LASP1: variants seen among roughly 807,000 people sequenced by gnomAD.
The protein encoded by LASP1 is LIM and SH3 domain protein 1.
In LASP1, 10 loss-of-function variants were observed where a neutral mutation model predicts 38.6. The observed-to-expected ratio is 0.26, with a 90% CI of 0.16 to 0.44. The LOEUF is 0.44. Among genes scored for constraint, LASP1 ranks in the 20% least tolerant of loss-of-function variants. The probability of loss-of-function intolerance (pLI) is 1.00; values close to 1 mark genes in which losing one functional copy is unlikely to be tolerated. For missense variants in LASP1, 243 were observed against 375.7 expected (o/e 0.65, Z 2.92); for synonymous variants, 132 against 140.8 (o/e 0.94, Z 0.44).
At chr17:38,889,276 G>T (rs545015326) in intron 2 of LASP1, among the ~76,000 whole-genome samples, 31 of 152,116 alleles carry the variant, frequency 2.0e-4, no homozygotes, top group Non-Finnish European at 4.4e-4. Context: ...GACTATAGGC[G>T]CACGCCATCA....
intron 2 of LASP1, among the ~76,000 whole-genome samples, chr17:38,878,904 G>A (rs1160187279): frequency 6.6e-6 from 1 of 152,190 alleles, no homozygotes; most frequent in Middle Eastern, 3.4e-3. Flanking sequence ...AGCAGCTGAC[G>A]GTAGGGAGGG....
At chr17:38,895,915 G>A (rs1012006581) in intron 3 of LASP1, among the ~76,000 whole-genome samples, 3 of 152,168 alleles carry the variant, frequency 2.0e-5, no homozygotes, top group Non-Finnish European at 4.4e-5. Context: ...GGGAGCCCAG[G>A]TATCTCCCAG....
intron 4 of LASP1, among the ~76,000 whole-genome samples, chr17:38,909,858 A>T (rs1914883638): frequency 6.6e-6 from 1 of 152,034 alleles, no homozygotes; most frequent in East Asian, 1.9e-4. Flanking sequence ...AGTGATTCTC[A>T]TGACTCGGCT....
At position 38,898,787 on chromosome 17, in the gene LASP1, A is replaced by T. The variant is rs555272469; in HGVS notation, c.357+268A>T. 1.8e-4 allele frequency: 97 copies of T among 539,016 alleles called. No homozygotes were observed. In the Middle Eastern group the frequency reaches 3.1e-3, roughly 17 times the overall value. 33.4% of individuals were successfully genotyped at this position (539,016 alleles called of 1,614,324 possible). A position where few individuals can be genotyped will look rare whatever the true frequency, so the allele number is the denominator to read the frequency against. On this transcript the variant is annotated intron_variant, in intron 4 of 6. Transcript: ENST00000318008. The stretch of plus-strand genomic sequence containing the variant: ...GCTAAATCAGCCCCCACTCTCTCTG[A>T]CTGTTGTTCTTTTTTCTGGATATCG...
At position 38,914,540 on chromosome 17, in the gene LASP1, G is replaced by A. The variant is rs1598122503; in HGVS notation, c.508+65G>A. ...GGCCAGTGGGGTGGGGAGGAAGCCA[G>A]GAGAAGACAGACAGACAGATACACC... On this transcript the variant is annotated intron_variant, in intron 5 of 6. Coordinates refer to ENST00000318008, the MANE Select transcript of LASP1 (RefSeq NM_006148.4). 4.6e-6 allele frequency: 7 copies of A among 1,519,004 alleles called. No individual in the cohort carries two copies. The East Asian group carries it at 1.6e-4, about 35-fold the overall frequency. The allele number at this position is 1,519,004 out of a possible 1,614,324, so 94.1% of individuals were successfully genotyped here.
At chr17:38,889,426 G>A (rs1293035557) in intron 2 of LASP1, among the ~76,000 whole-genome samples, 2 of 152,098 alleles carry the variant, frequency 1.3e-5, no homozygotes, top group South Asian at 2.1e-4. Flanking sequence ...CACTGCGCCC[G>A]GCCTAATTCA....
At chr17:38,874,079 G>C (rs1240662515) in intron 1 of LASP1, 1 of 152,362 alleles carries the variant, frequency 6.6e-6, no homozygotes, top group Admixed American at 6.5e-5. Flanking sequence ...TGGAGCCTCG[G>C]ATCCAGGCTG....
At chr17:38,871,919 C>T (rs1453646794) in intron 1 of LASP1, among the ~76,000 whole-genome samples, 1 of 152,120 alleles carries the variant, frequency 6.6e-6, no homozygotes, top group Non-Finnish European at 1.5e-5. Context: ...ATGTACCTGT[C>T]CTTGCACACT....
Position 38,920,072 on chromosome 17 carries a change from C to G in LASP1, c.*1294C>G, listed in dbSNP as rs1319192295. 5.6e-6 allele frequency: 3 copies of G among 536,882 alleles called. No individual in the cohort carries two copies. Among genetic ancestry groups the G allele is most frequent in the South Asian group, 3.1e-5 (2 of 65,256 alleles). 33.3% of individuals were successfully genotyped at this position (536,882 alleles called of 1,614,324 possible). A position where few individuals can be genotyped will look rare whatever the true frequency, so the allele number is the denominator to read the frequency against. ...ATGAAATTCCTCCTTCCCCCCATCTCTGAGTGGAGGAAGCCCACCAATCTG... is the reference window on the plus strand; with the variant it reads ...ATGAAATTCCTCCTTCCCCCCATCTGTGAGTGGAGGAAGCCCACCAATCTG... On this transcript the variant is annotated 3_prime_UTR_variant, in exon 7 of 7. Coordinates refer to ENST00000318008, the MANE Select transcript of LASP1 (RefSeq NM_006148.4).
intron 3 of LASP1, among the ~76,000 whole-genome samples, chr17:38,895,423 G>T (rs548377576): frequency 6.6e-6 from 1 of 151,460 alleles, no homozygotes; most frequent in African/African-American, 2.4e-5. Context: ...CAGGTTCAAG[G>T]AATTCTCCTG....
At chr17:38,912,576 T>C (rs1914988097) in intron 4 of LASP1, among the ~76,000 whole-genome samples, 1 of 152,158 alleles carries the variant, frequency 6.6e-6, no homozygotes, top group Non-Finnish European at 1.5e-5. Context: ...CAGGAGACCT[T>C]GGCAGGCCTG....
At chr17:38,879,161 CTT>C (rs55952948) in intron 2 of LASP1, among the ~76,000 whole-genome samples, 10 of 123,668 alleles carry the variant, frequency 8.1e-5, no homozygotes, top group Middle Eastern at 4.7e-3. Flanking sequence ...TTTTAATTTG[CTT>C]TTTTTTTTTT....
At chr17:38,914,894 G>A (rs1006406187) in intron 5 of LASP1, 149 bp from the exon 6 acceptor site, 9 of 716,264 alleles carry the variant, frequency 1.3e-5, no homozygotes, top group Admixed American at 9.8e-5. Context: ...ACAGGCAAAT[G>A]TGCACACGTG....
chr17:38,910,815 A>G (rs1007239016), intron 4 of LASP1, among the ~76,000 whole-genome samples: 1 of 149,768 alleles, frequency 6.7e-6, no homozygotes, highest in Admixed American at 6.7e-5. Flanking sequence ...CTCCGCCTCC[A>G]AGGTTCAAGC....
Position 38,921,177 on chromosome 17 carries a change from G to A in LASP1, c.*2399G>A. The stretch of plus-strand genomic sequence containing the variant: ...CCATCCATCCCTAGAAGAGCACAGA[G>A]CCCTGAGGGGCTGGGCTGGGCTGGG... On this transcript the variant is annotated 3_prime_UTR_variant, in exon 7 of 7. Coordinates refer to ENST00000318008, the MANE Select transcript of LASP1 (RefSeq NM_006148.4). 1 of 229,632 alleles carries A rather than the reference G, an allele frequency of 4.4e-6. No individual in the cohort carries two copies. Among genetic ancestry groups the A allele is most frequent in the East Asian group, 6.2e-5 (1 of 16,038 alleles). 14.2% of individuals were successfully genotyped at this position (229,632 alleles called of 1,614,324 possible).
chr17:38,887,653 C>T (rs1162859013), intron 2 of LASP1, among the ~76,000 whole-genome samples: 5 of 152,254 alleles, frequency 3.3e-5, no homozygotes, highest in African/African-American at 9.6e-5. Context: ...GGACGGGCAC[C>T]GCTAGGATCA....
At chr17:38,898,364 C>T in intron 3 of LASP1, 48 bp from the exon 4 acceptor site, 3 of 1,430,496 alleles carry the variant, frequency 2.1e-6, no homozygotes, top group South Asian at 1.3e-5. Flanking sequence ...AGCCGAGGCC[C>T]TTTCGGCTCC....
intron 1 of LASP1, among the ~76,000 whole-genome samples, chr17:38,876,485 C>T (rs536767520): frequency 2.1e-4 from 32 of 152,140 alleles, no homozygotes; most frequent in African/African-American, 7.5e-4. Context: ...CTCAGCCTCC[C>T]GAGTAGCTGG....
intron 4 of LASP1, among the ~76,000 whole-genome samples, chr17:38,907,435 G>T (rs1914804482): frequency 6.6e-6 from 1 of 152,190 alleles, no homozygotes; most frequent in Admixed American, 6.5e-5. Flanking sequence ...TCAGGAAAGG[G>T]CCTGTCTAGC....
Sources: gnomAD v4.1 joint callset for allele counts (sites outside exome capture counted in the v4.1 genomes callset) on GRCh38, gnomAD v4.1.1 for gene constraint, MANE v1.5 for transcripts, NCBI Gene and HGNC (gene_info 2026-07-23, HGNC 2026-07-21) for gene names.